Variants in CDC16 observed in about 807,000 individuals in gnomAD.
CDC16 encodes the protein cell division cycle 16.
Under a neutral mutation model 87.0 loss-of-function variants are expected in CDC16, and 34 were observed. The ratio of observed to expected loss-of-function variants is 0.39; its 90% CI spans 0.30 to 0.52. The LOEUF is 0.52. Ranked by LOEUF, CDC16 falls within the 20% of genes least tolerant of loss-of-function variation. The pLI is 0.74. For synonymous variants in CDC16, 263 were observed against 260.6 expected (o/e 1.01, Z -0.09); for missense variants, 653 against 751.9 (o/e 0.87, Z 1.54).
chr13:114,240,864 C>G (rs2081512342), intron 5 of CDC16, among the ~76,000 whole-genome samples: 1 of 152,088 alleles, frequency 6.6e-6, no homozygotes, highest in East Asian at 1.9e-4. Context: ...TTTGGGACCT[C>G]TTATCCATTA....
intron 10 of CDC16, 56 bp downstream of exon 10, chr13:114,246,105 A>G: frequency 1.3e-6 from 1 of 784,198 alleles, no homozygotes; most frequent in South Asian, 1.7e-5. Flanking sequence ...ACTTTAAGAA[A>G]ATGCTTAACT....
At chr13:114,271,131 C>G (rs1190534794) in intron 17 of CDC16, among the ~76,000 whole-genome samples, 1 of 151,900 alleles carries the variant, frequency 6.6e-6, no homozygotes, top group Non-Finnish European at 1.5e-5. Context: ...CCACATTAGC[C>G]AGGATGGTCT....
At chr13:114,240,754 G>T (rs2081505665) in intron 5 of CDC16, among the ~76,000 whole-genome samples, 1 of 151,560 alleles carries the variant, frequency 6.6e-6, no homozygotes, top group Non-Finnish European at 1.5e-5. Flanking sequence ...CTAGGTTTTT[G>T]TTTTTGTTTT....
intron 11 of CDC16, among the ~76,000 whole-genome samples, chr13:114,248,825 A>G (rs978598377): frequency 3.3e-5 from 5 of 152,088 alleles, no homozygotes; most frequent in African/African-American, 1.2e-4. Flanking sequence ...ATTTTAGAAG[A>G]ACTTCTACAT....
At chr13:114,242,379 C>A in intron 6 of CDC16, 99 bp downstream of exon 6, 1 of 1,094,020 alleles carries the variant, frequency 9.1e-7, no homozygotes, top group South Asian at 1.5e-5. Flanking sequence ...AGGCCACATA[C>A]AGGTTTAAAT....
At chr13:114,241,906 T>G (rs2081570980) in intron 5 of CDC16, among the ~76,000 whole-genome samples, 1 of 152,018 alleles carries the variant, frequency 6.6e-6, no homozygotes, top group African/African-American at 2.4e-5. Flanking sequence ...AAAAATTAAC[T>G]GTTTGTGGTA....
At chr13:114,239,638 G>T (rs1392599750) in intron 5 of CDC16, 148 bp downstream of exon 5, 23 of 1,221,160 alleles carry the variant, frequency 1.9e-5, no homozygotes, top group Non-Finnish European at 2.4e-5. Flanking sequence ...AACCAAAAAA[G>T]ATTCTGAGAC....
Position 114,252,995 on chromosome 13 carries a change from G to C in CDC16, c.1097+2321G>C, listed in dbSNP as rs140064187. Among the ~76,000 whole-genome samples the C allele has an allele frequency of 2.3e-3, 354 of 152,186 alleles. 1 individual carries two copies. Among genetic ancestry groups the C allele is most frequent in the African/African-American group, 8.3e-3 (345 of 41,520 alleles). On this transcript the variant is annotated intron_variant, in intron 12 of 17. Coordinates refer to ENST00000356221, the MANE Select transcript of CDC16 (RefSeq NM_001078645.3). ...CAAAAAAAAAATTTAAAATTAGCTG[G>C]GTTTGATGGTGCCTGCCTGTAATCC...
At chr13:114,243,113 C>T in intron 6 of CDC16, 144 bp from the exon 7 acceptor site, 1 of 558,714 alleles carries the variant, frequency 1.8e-6, no homozygotes, top group Non-Finnish European at 3.3e-6. Context: ...ACTGTGTCAG[C>T]TTCTGTTGCA....
chr13:114,269,751 C>A lies in CDC16; in HGVS notation c.1604-2433C>A, dbSNP rs183827137. ...ATGGAGTTTCACTCAGTCACCCAGG[C>A]TGGAGTGCAGGGGCGCCATCTCGGC... On this transcript the variant is annotated intron_variant, in intron 17 of 17. Transcript: ENST00000356221. Among the ~76,000 whole-genome samples the A allele has an allele frequency of 2.0e-4, 30 of 152,332 alleles. 1 individual carries two copies. Among genetic ancestry groups the A allele is most frequent in the Admixed American group, 1.7e-3 (26 of 15,306 alleles).
Position 114,244,925 on chromosome 13 carries a change from T to A in CDC16, c.803T>A (p.Leu268Ter), listed in dbSNP as rs1425616941. The A allele has an allele frequency of 6.2e-7, 1 of 1,611,428 alleles. No individual in the cohort carries two copies. Among genetic ancestry groups the A allele is most frequent in the Non-Finnish European group, 8.5e-7 (1 of 1,178,238 alleles). The change falls in exon 9 of 18, where the codon TTA becomes TAA. Residue 268 changes from leucine to a stop codon, truncating the protein, a stop_gained. Coordinates refer to ENST00000356221, the MANE Select transcript of CDC16 (RefSeq NM_001078645.3). LOFTEE classifies it high-confidence loss of function. ...AAAGATCCTTTCCATGCAAGTTGTTTACCTGTACATATAGGGACGCTTGTA... is the reference window on the plus strand; with the variant it reads ...AAAGATCCTTTCCATGCAAGTTGTTAACCTGTACATATAGGGACGCTTGTA... ...MEKDPFHASCLPVHIGTLVEL... is the reference protein window; with the variant it reads ...MEKDPFHASC
chr13:114,265,052 C>A, intron 16 of CDC16, 98 bp from the exon 17 acceptor site: 1 of 895,118 alleles, frequency 1.1e-6, no homozygotes, highest in East Asian at 2.4e-5. Flanking sequence ...GGCCACTTCC[C>A]CCACCCTGGA....
intron 17 of CDC16, 56 bp from the exon 18 acceptor site, chr13:114,272,128 G>C: frequency 2.0e-6 from 2 of 1,003,044 alleles, no homozygotes; most frequent in Non-Finnish European, 2.9e-6. Context: ...TATAACAATA[G>C]AAATGATAAG....
intron 10 of CDC16, among the ~76,000 whole-genome samples, chr13:114,246,420 A>T (rs550664797): frequency 6.6e-6 from 1 of 152,368 alleles, no homozygotes; most frequent in East Asian, 1.9e-4. Flanking sequence ...CATGTAAGAC[A>T]ACCTGTTGAA....
At chr13:114,245,203 C>T (rs1204305404) in intron 9 of CDC16, among the ~76,000 whole-genome samples, 1 of 151,288 alleles carries the variant, frequency 6.6e-6, no homozygotes, top group Non-Finnish European at 1.5e-5. Flanking sequence ...TACCTTTTCT[C>T]AAATATCATT....
At chr13:114,262,075 A>G (rs972558905) in intron 15 of CDC16, 127 bp downstream of exon 15, 33 of 523,280 alleles carry the variant, frequency 6.3e-5, no homozygotes, top group African/African-American at 5.6e-4. Flanking sequence ...CTCAGATAAA[A>G]TCAGCATCAA....
At chr13:114,269,850 G>A (rs572769537) in intron 17 of CDC16, among the ~76,000 whole-genome samples, 10 of 152,200 alleles carry the variant, frequency 6.6e-5, no homozygotes, top group South Asian at 2.1e-4. Context: ...GATTACAGGC[G>A]CATGCCACCA....
intron 10 of CDC16, among the ~76,000 whole-genome samples, chr13:114,246,460 C>T (rs187470447): frequency 2.6e-5 from 4 of 152,212 alleles, no homozygotes; most frequent in African/African-American, 9.6e-5. Flanking sequence ...TGTCATGGAT[C>T]GGAATGGAGA....
intron 4 of CDC16, 111 bp from the exon 5 acceptor site, chr13:114,239,239 C>G: frequency 6.8e-7 from 1 of 1,471,474 alleles, no homozygotes; most frequent in Non-Finnish European, 9.2e-7. Flanking sequence ...CTACTTTAGA[C>G]ATTTCACATT....
Sources: gnomAD v4.1 joint callset for allele counts (sites outside exome capture counted in the v4.1 genomes callset) on GRCh38, gnomAD v4.1.1 for gene constraint, MANE v1.5 for transcripts, NCBI Gene and HGNC (gene_info 2026-07-23, HGNC 2026-07-21) for gene names.